The following MEX3C variants were observed in gnomAD, a reference collection of about 807,000 sequenced individuals.
MEX3C encodes mex-3 RNA binding family member C.
MEX3C carries 15 observed loss-of-function variants against 35.5 expected under a neutral mutation model. The observed-to-expected ratio is 0.42, with a 90% CI of 0.28 to 0.65. MEX3C has a LOEUF of 0.65. Among genes scored for constraint, MEX3C ranks in the 30% least tolerant of loss-of-function variants. MEX3C has a pLI of 0.20. For missense variants in MEX3C, 711 were observed against 842.8 expected (o/e 0.84, Z 1.94); for synonymous variants, 390 against 352.8 (o/e 1.11, Z -1.18).
chr18:51,181,610 T>G (rs929244474), intron 1 of MEX3C, among the ~76,000 whole-genome samples: 1 of 152,256 alleles, frequency 6.6e-6, no homozygotes, highest in Non-Finnish European at 1.5e-5. Flanking sequence ...CTTACGCTTC[T>G]ACAATCTTCT....
intron 1 of MEX3C, among the ~76,000 whole-genome samples, chr18:51,191,486 C>T (rs557141240): frequency 6.6e-6 from 1 of 152,208 alleles, no homozygotes; most frequent in South Asian, 2.1e-4. Flanking sequence ...TGTCAGAGTT[C>T]TTTGTTAACC....
Position 51,196,811 on chromosome 18 carries a change from G to A in MEX3C, c.510C>T (p.Ala170=), listed in dbSNP as rs1396861569. The change falls in exon 1 of 2, where the codon GCC becomes GCT. Residue 170 remains alanine, a synonymous_variant. Transcript: ENST00000406189. ...CCGCCGCCTCCCGGGCATCGAACCT[G>A]GCGGCTGGCAGCAGCACAGACCCCA... The part of the protein sequence containing the change: ...GSLGSVLLPA[A]RFDAREAAAA... 1.3e-6 allele frequency: 2 copies of A among 1,532,576 alleles called. No individual in the cohort carries two copies. The highest frequency in any genetic ancestry group is 1.2e-5 in the South Asian group (1 of 83,664). 94.9% of individuals were successfully genotyped at this position (1,532,576 alleles called of 1,614,324 possible).
chr18:51,191,403 G>C (rs1912645847), intron 1 of MEX3C, among the ~76,000 whole-genome samples: 1 of 152,152 alleles, frequency 6.6e-6, no homozygotes, highest in Non-Finnish European at 1.5e-5. Flanking sequence ...CTGTTGGCCT[G>C]TGTCCCTGAA....
intron 1 of MEX3C, among the ~76,000 whole-genome samples, chr18:51,181,523 G>T (rs1912431154): frequency 6.6e-6 from 1 of 152,158 alleles, no homozygotes; most frequent in South Asian, 2.1e-4. Flanking sequence ...TAAAGAGTGG[G>T]GAAAAGAACT....
rs1768881983 is a variant in MEX3C, at chr18:51,196,937, C to G, written c.384G>C (p.Glu128Asp). ...CCTCCTCCTCTGCTTCCTCCAGCTC[C>G]TCCTCCTCCAGCAGGTCTCCGTCCA... ...AELDGDLLEEEELEEAEEEDR... is the reference protein window; with the variant it reads ...AELDGDLLEEDELEEAEEEDR... The change falls in exon 1 of 2, where the codon GAG becomes GAC. Residue 128 changes from glutamate to aspartate, a missense_variant. Physicochemically the swap from Glu to Asp is conservative, Grantham distance 45. Transcript: ENST00000406189. The G allele has an allele frequency of 1.9e-6, 3 of 1,544,254 alleles. No individual in the cohort carries two copies. The highest frequency in any genetic ancestry group is 1.2e-5 in the South Asian group (1 of 83,842).
intron 1 of MEX3C, among the ~76,000 whole-genome samples, chr18:51,183,953 A>C (rs747271712): frequency 6.6e-6 from 1 of 152,176 alleles, no homozygotes; most frequent in South Asian, 2.1e-4. Context: ...GTGGGTTATG[A>C]TCACACCAAT....
In MEX3C at chr18:51,185,327, TG is replaced by T. The variant is rs544998875; in HGVS notation, c.755-7752del. Among the ~76,000 whole-genome samples the T allele has an allele frequency of 3.0e-3, 451 of 152,276 alleles. 2 individuals carry two copies. The highest frequency in any genetic ancestry group is 0.01 in the African/African-American group (435 of 41,562). On this transcript the variant is annotated intron_variant, in intron 1 of 1. Transcript: ENST00000406189. ...TGTGACTCATCTTCAGAGCGAGCAA[TG>T]GAGGCTGAGTCCTTCTCATGCTTCA...
intron 1 of MEX3C, among the ~76,000 whole-genome samples, chr18:51,184,379 T>C (rs892327715): frequency 6.6e-6 from 1 of 152,194 alleles, no homozygotes; most frequent in Non-Finnish European, 1.5e-5. Context: ...TAAATTTGTG[T>C]TGTTGTAAGC....
At position 51,177,027 on chromosome 18, in the gene MEX3C, C is replaced by T. The variant is rs368857821; in HGVS notation, c.1304G>A (p.Arg435His). 1.4e-5 allele frequency: 23 copies of T among 1,613,930 alleles called. No individual in the cohort carries two copies. The highest frequency in any genetic ancestry group is 1.3e-4 in the East Asian group (6 of 44,888). Residue 435 changes from arginine (R) to histidine (H), a missense_variant, in exon 2 of 2, where the codon CGC (arginine) becomes CAC (histidine). Coordinates refer to ENST00000406189, the MANE Select transcript of MEX3C (RefSeq NM_016626.5). This position sits in a 1 kb window ranked among gnomAD's most constrained non-coding sequence, Gnocchi z 4.2. ...WLSSNPVPPS[R>H]ARMISNYRND... ...TCGATAATTGGATATCATTCTTGCG[C>T]GGCTAGGAGGAACAGGATTGGAGGA...
intron 1 of MEX3C, among the ~76,000 whole-genome samples, chr18:51,180,733 T>C (rs1007266426): frequency 6.6e-6 from 1 of 152,204 alleles, no homozygotes; most frequent in East Asian, 1.9e-4. Flanking sequence ...TCTGCCCGCG[T>C]TGGCCTCCCA....
intron 1 of MEX3C, among the ~76,000 whole-genome samples, chr18:51,181,544 G>C (rs1295038232): frequency 2.0e-5 from 3 of 152,168 alleles, no homozygotes; most frequent in Non-Finnish European, 2.9e-5. Context: ...CTCATATTTA[G>C]CTGTGAGAGT....
At chr18:51,196,447 C>CT in intron 1 of MEX3C, 120 bp downstream of exon 1, 1 of 1,463,424 alleles carries the variant, frequency 6.8e-7, no homozygotes, top group Non-Finnish European at 9.0e-7. Context: ...TCCCAGACCC[C>CT]TTCGCGGTGG....
chr18:51,196,749 T>A lies in MEX3C; in HGVS notation c.572A>T (p.Asp191Val). 1 of 1,518,084 alleles carries A rather than the reference T, an allele frequency of 6.6e-7. No individual in the cohort carries two copies. 94.0% of individuals were successfully genotyped at this position (1,518,084 alleles called of 1,614,324 possible). ...CGCCGCCATCATGCCCTGGGCATCG[T>A]CCCCTCCGTACAGCACCCCCGCCGC... Reference protein sequence around the residue: ...AAAAGVLYGGDDAQGMMAAML... With the variant: ...AAAAGVLYGGVDAQGMMAAML... The change falls in exon 1 of 2, where the codon GAC becomes GTC. Residue 191 changes from aspartate to valine, a missense_variant. This residue lies in a region of MEX3C where 354 missense variants were observed against 311.6 expected (regional missense o/e 1.14). Coordinates refer to ENST00000406189, the MANE Select transcript of MEX3C (RefSeq NM_016626.5).
intron 1 of MEX3C, chr18:51,193,840 A>G (rs1405902562): frequency 6.6e-6 from 1 of 152,220 alleles, no homozygotes; most frequent in East Asian, 1.9e-4. Flanking sequence ...GGCCATCTAC[A>G]TGAGTTGCTA....
intron 1 of MEX3C, among the ~76,000 whole-genome samples, chr18:51,180,821 A>C (rs1249482339): frequency 6.6e-6 from 1 of 152,164 alleles, no homozygotes; most frequent in Non-Finnish European, 1.5e-5. Context: ...AAGACAGAGG[A>C]AACTATTTCT....
chr18:51,194,478 T>C (rs1224354467), intron 1 of MEX3C: 5 of 152,176 alleles, frequency 3.3e-5, no homozygotes, highest in Admixed American at 3.3e-4. Flanking sequence ...TAATAGCTGG[T>C]ACAAAATAAA....
intron 1 of MEX3C, among the ~76,000 whole-genome samples, chr18:51,182,507 A>G (rs1912453791): frequency 6.6e-6 from 1 of 152,164 alleles, no homozygotes; most frequent in African/African-American, 2.4e-5. Context: ...TTGGAAGTAA[A>G]TTCCCTAAAA....
At chr18:51,179,097 G>A (rs1271719358) in intron 1 of MEX3C, among the ~76,000 whole-genome samples, 2 of 151,104 alleles carry the variant, frequency 1.3e-5, no homozygotes, top group African/African-American at 2.4e-5. Flanking sequence ...TCCACCTCCC[G>A]GGTTCCAGTG....
chr18:51,189,935 T>G (rs1310447706), intron 1 of MEX3C, among the ~76,000 whole-genome samples: 1 of 152,206 alleles, frequency 6.6e-6, no homozygotes, highest in African/African-American at 2.4e-5. Context: ...CTTACTAAAA[T>G]GACATTTTTT....
Sources: gnomAD v4.1 joint callset for allele counts (sites outside exome capture counted in the v4.1 genomes callset) on GRCh38, gnomAD v4.1.1 for gene constraint, gnomAD v4.1.1 regional missense constraint, Gnocchi (gnomAD v3.1) non-coding constraint, MANE v1.5 for transcripts, NCBI Gene and HGNC (gene_info 2026-07-23, HGNC 2026-07-21) for gene names.